Variants in ZNF185 observed in about 807,000 individuals in gnomAD.
ZNF185 encodes the protein zinc finger protein 185.
Under a neutral mutation model 58.6 loss-of-function variants are expected in ZNF185, and 56 were observed. That is an observed-to-expected ratio of 0.95 (90% confidence interval 0.77 to 1.19). The LOEUF is 1.19. ZNF185 is among the 50% of genes most tolerant of loss of function. The pLI, the probability that ZNF185 is intolerant of heterozygous loss-of-function variation, is 0.00. For synonymous variants in ZNF185, 230 were observed against 215.9 expected, an observed-to-expected ratio of 1.07 and a Z score of -0.57; for missense variants, 627 against 573.5, an observed-to-expected ratio of 1.09 and a Z score of -0.95.
At chrX:152,958,744 A>AG (rs35212328) in intron 16 of ZNF185, among the ~76,000 whole-genome samples, 4,809 of 109,519 alleles carry the variant, frequency 0.044, 283 homozygotes, top group African/African-American at 0.15. Flanking sequence ...AAAAAAAAAA[A>AG]GGGGGGCAGG....
chrX:152,906,397 A>G, the ZNF185 span, among the ~76,000 whole-genome samples: 2 of 113,377 alleles, frequency 1.8e-5, no homozygotes, highest in Non-Finnish European at 3.7e-5. Context: ...CTTGTCCCAG[A>G]GCCACGTGAA....
exon 12 of ZNF185, chrX:152,928,642 C>G (rs1556874755): frequency 2.5e-6 from 3 of 1,210,321 alleles, no homozygotes; most frequent in South Asian, 1.8e-5. Flanking sequence ...CCTGGTGGCC[C>G]CAGACGTGGA....
At chrX:152,942,633 T>A (rs1237564080) in intron 15 of ZNF185, among the ~76,000 whole-genome samples, 3 of 112,276 alleles carry the variant, frequency 2.7e-5, no homozygotes, top group Admixed American at 9.4e-5. Flanking sequence ...ATATCTCATC[T>A]TCTTCCTACT....
chrX:152,907,057 A>G, the ZNF185 span, among the ~76,000 whole-genome samples: 1 of 110,558 alleles, frequency 9.0e-6, no homozygotes, highest in East Asian at 2.9e-4. Context: ...GCCCTCGGGG[A>G]GTCAGGCAGC....
upstream of ZNF185, among the ~76,000 whole-genome samples, chrX:152,911,330 C>T (rs1335526432): frequency 9.0e-5 from 10 of 111,714 alleles, no homozygotes; most frequent in African/African-American, 3.3e-4. Flanking sequence ...AGCACAGTGT[C>T]GGCATTGGGG....
chrX:152,970,522 G>C, exon 22 of ZNF185: 1 of 1,210,495 alleles, frequency 8.3e-7, no homozygotes, highest in South Asian at 1.8e-5. Flanking sequence ...TGTGGGAAAT[G>C]CTATGAGAAG....
exon 7 of ZNF185, chrX:152,919,003 G>T: frequency 1.7e-6 from 2 of 1,210,106 alleles, no homozygotes; most frequent in East Asian, 5.9e-5. Flanking sequence ...AATATCAGGC[G>T]CAGCTCTACA....
upstream of ZNF185, chrX:152,914,347 G>A: frequency 1.9e-6 from 1 of 539,864 alleles, no homozygotes; most frequent in Non-Finnish European, 3.0e-6. Context: ...ATGTGCAGAG[G>A]GCAGTCTGGA....
In ZNF185 at chrX:152,965,487, G is replaced by T. The variant is rs782142489; in HGVS notation, c.1759G>T (p.Glu587Ter). 1.7e-6 allele frequency: 2 copies of T among 1,189,646 alleles called. No individual in the cohort carries two copies. Among genetic ancestry groups the T allele is most frequent in the Non-Finnish European group, 1.1e-6 (1 of 883,536 alleles). ...CGTGAAGGAGTACGTGAATGCTAGTGAAGTGTCTTCTGGGAAGCCAGTATC... is the reference window on the plus strand; with the variant it reads ...CGTGAAGGAGTACGTGAATGCTAGTTAAGTGTCTTCTGGGAAGCCAGTATC... The change falls in exon 19 of 23, where the codon GAA (glutamate) becomes TAA (stop). Residue 587 changes from glutamate to a stop codon, truncating the protein, a stop_gained. Coordinates refer to ENST00000449285, the Ensembl canonical transcript of ZNF185. LOFTEE classifies it high-confidence loss of function.
At chrX:152,948,567 C>A (rs1010249019) in intron 16 of ZNF185, among the ~76,000 whole-genome samples, 1 of 111,829 alleles carries the variant, frequency 8.9e-6, no homozygotes, top group South Asian at 3.7e-4. Flanking sequence ...GTGTGACCCA[C>A]TGGGAGAGGA....
In ZNF185 at chrX:152,969,372, C is replaced by T; in HGVS notation, c.1872-10C>T. ...GCCTGACCACCGGGTTATTGTTCTT[C>T]ATCTCACAGGACAACTGGAGGGATC... On this transcript the variant is annotated splice_polypyrimidine_tract_variant and intron_variant, in intron 20 of 22. Transcript: ENST00000449285. 1 of 1,193,350 alleles carries T rather than the reference C, an allele frequency of 8.4e-7. No homozygotes were observed. The highest frequency in any genetic ancestry group is 1.8e-5 in the South Asian group (1 of 54,770).
At chrX:152,933,452 G>A (rs1482400626) in intron 14 of ZNF185, among the ~76,000 whole-genome samples, 1 of 112,010 alleles carries the variant, frequency 8.9e-6, no homozygotes, top group Non-Finnish European at 1.9e-5. Flanking sequence ...TCTGCTCTGA[G>A]GTTCAGGGAG....
chrX:152,902,628 T>G, the ZNF185 span, among the ~76,000 whole-genome samples: 9 of 113,086 alleles, frequency 8.0e-5, no homozygotes, highest in Admixed American at 2.8e-4. Context: ...TGCAGTGCTC[T>G]GGCAACATTC....
At chrX:152,913,721 A>C (rs1371352646), upstream of ZNF185, among the ~76,000 whole-genome samples, 2 of 111,891 alleles carry the variant, frequency 1.8e-5, no homozygotes, top group African/African-American at 6.5e-5. Flanking sequence ...CACACCCCAG[A>C]CCATTCTTGG....
intron 16 of ZNF185, among the ~76,000 whole-genome samples, chrX:152,950,602 A>G (rs2048208596): frequency 1.8e-5 from 2 of 111,883 alleles, no homozygotes; most frequent in Admixed American, 9.5e-5. Context: ...AATGTTTCCA[A>G]TGCAATTTAT....
At position 152,934,813 on chromosome X, in the gene ZNF185, AT is replaced by A. The variant is rs1569503337; in HGVS notation, c.1121+1843del. 6.7e-3 allele frequency among the ~76,000 whole-genome samples: 736 copies of A among 109,105 alleles called. 6 individuals are homozygous for A. The highest frequency in any genetic ancestry group is 0.023 in the African/African-American group (680 of 29,984). The allele number at this position is 109,105 out of a possible 115,157, so 94.7% of individuals were successfully genotyped here. ...AATTATTTTTCCCACATCTCATCTCATCCTCTCCTCTCCTCTCCTCTCCTTT... is the reference window on the plus strand; with the variant it reads ...AATTATTTTTCCCACATCTCATCTCACCTCTCCTCTCCTCTCCTCTCCTTT... On this transcript the variant is annotated intron_variant, in intron 14 of 22. Transcript: ENST00000449285.
intron 2 of ZNF185, 145 bp from the exon 4 acceptor site, chrX:152,914,993 G>A: frequency 1.0e-6 from 1 of 989,039 alleles, no homozygotes; most frequent in Non-Finnish European, 1.4e-6. Context: ...AATGTCACAG[G>A]GTGGGAGAGC....
chrX:152,970,567 A>G (rs782785210), intron 22 of ZNF185, 26 bp downstream of exon 24: 2 of 1,169,943 alleles, frequency 1.7e-6, no homozygotes, highest in East Asian at 3.0e-5. Flanking sequence ...GCAAAGGACA[A>G]GTGGCCAAGA....
intron 15 of ZNF185, among the ~76,000 whole-genome samples, chrX:152,938,947 GAGAGCTAT>G (rs200188107): frequency 0.03 from 3,236 of 109,194 alleles, 50 homozygotes; most frequent in Non-Finnish European, 0.046. Context: ...ACACGGTGGA[GAGAGCTAT>G]AGATAAGGAA....
Sources: gnomAD v4.1 joint callset for allele counts (sites outside exome capture counted in the v4.1 genomes callset) on GRCh38, gnomAD v4.1.1 for gene constraint, MANE v1.5 for transcripts, NCBI Gene and HGNC (gene_info 2026-07-23, HGNC 2026-07-21) for gene names.